Variants in DGKH observed in about 807,000 individuals in gnomAD.
The protein encoded by DGKH is diacylglycerol kinase eta.
A neutral mutation model predicts 159.3 loss-of-function variants in DGKH; 90 were observed. That is an observed-to-expected ratio of 0.57 (90% CI 0.48 to 0.67). The LOEUF (loss-of-function observed/expected upper bound fraction) is 0.67. Among genes scored for constraint, DGKH ranks in the 30% least tolerant of loss-of-function variants. The probability of loss-of-function intolerance (pLI) is 0.00; values close to 1 mark genes in which losing one functional copy is unlikely to be tolerated. For missense variants in DGKH, 1,181 were observed against 1,506.1 expected, an observed-to-expected ratio of 0.78 and a Z score of 3.57; for synonymous variants, 536 against 553.8, an observed-to-expected ratio of 0.97 and a Z score of 0.45.
intron 1 of DGKH, among the ~76,000 whole-genome samples, chr13:42,103,670 T>C (rs1012339798): frequency 6.6e-6 from 1 of 152,178 alleles, no homozygotes; most frequent in Non-Finnish European, 1.5e-5. Context: ...GGGTCACATC[T>C]CACCTCTGAA....
At position 42,238,049 on chromosome 13, in the gene DGKH, A is replaced by G. The variant is rs752983514; in HGVS notation, c.*8861A>G. 1 of 152,216 alleles carries G rather than the reference A, an allele frequency of 6.6e-6. No individual in the cohort carries two copies. Among genetic ancestry groups the G allele is most frequent in the African/African-American group, 2.4e-5 (1 of 41,456 alleles). The allele number at this position is 152,216 out of a possible 1,614,324, so 9.4% of individuals were successfully genotyped here. On this transcript the variant is annotated 3_prime_UTR_variant, in exon 30 of 30. Transcript: ENST00000337343. ...CTGTAACTGACTTTGGCATTGGCTCATTGTGTCCTTTCTACAAGTTATGTT... is the reference window on the plus strand; with the variant it reads ...CTGTAACTGACTTTGGCATTGGCTCGTTGTGTCCTTTCTACAAGTTATGTT...
At chr13:42,048,306 G>A (rs1880943097), upstream of DGKH, among the ~76,000 whole-genome samples, 1 of 150,466 alleles carries the variant, frequency 6.6e-6, no homozygotes, top group Non-Finnish European at 1.5e-5. This position sits in a 1 kb window ranked among gnomAD's most constrained non-coding sequence, Gnocchi z 6.7. Flanking sequence ...CCCAGGGATC[G>A]GCGTTGCCCC....
At chr13:42,079,544 A>G (rs371539591) in intron 1 of DGKH, among the ~76,000 whole-genome samples, 2 of 152,130 alleles carry the variant, frequency 1.3e-5, no homozygotes, top group East Asian at 1.9e-4. Context: ...AGAACAGAGT[A>G]AAAAAATGAT....
intron 1 of DGKH, among the ~76,000 whole-genome samples, chr13:42,127,133 T>C (rs924363192): frequency 1.6e-4 from 25 of 152,156 alleles, no homozygotes; most frequent in African/African-American, 5.8e-4. Context: ...CTCTGCTCTT[T>C]CGTAATCATA....
chr13:42,173,958 TGC>T (rs1566158059), intron 11 of DGKH, 100 bp from the exon 12 acceptor site: 518 of 669,786 alleles, frequency 7.7e-4, no homozygotes, highest in South Asian at 2.1e-3. Context: ...TGTGTGTGTG[TGC>T]GTGCGTGTGT....
intron 1 of DGKH, among the ~76,000 whole-genome samples, chr13:42,075,431 G>T (rs180967081): frequency 6.6e-6 from 1 of 152,252 alleles, no homozygotes; most frequent in African/African-American, 2.4e-5. Flanking sequence ...AGATCTAAGT[G>T]TAAAAGTGCA....
chr13:42,158,115 G>A (rs1956089512), intron 5 of DGKH, among the ~76,000 whole-genome samples: 1 of 152,160 alleles, frequency 6.6e-6, no homozygotes, highest in Non-Finnish European at 1.5e-5. Context: ...TTTGTACATA[G>A]ACTAGTCATG....
chr13:42,255,583 A>G (rs558110178), intron 30 of DGKH, among the ~76,000 whole-genome samples: 1 of 152,310 alleles, frequency 6.6e-6, no homozygotes, highest in South Asian at 2.1e-4. Context: ...TGTTCCTTAG[A>G]CTTTAAGAAA....
chr13:42,129,752 C>T (rs955055103), intron 3 of DGKH, 120 bp downstream of exon 3: 2 of 822,818 alleles, frequency 2.4e-6, no homozygotes, highest in African/African-American at 3.4e-5. Context: ...GGAGTTCCTA[C>T]CAACACAATC....
chr13:42,137,806 T>A (rs190431594), intron 3 of DGKH, among the ~76,000 whole-genome samples: 1 of 152,346 alleles, frequency 6.6e-6, no homozygotes, highest in African/African-American at 2.4e-5. Flanking sequence ...ATCCTGGGAT[T>A]GATTGGCATT....
chr13:42,127,632 G>T, intron 2 of DGKH, 59 bp downstream of exon 2: 1 of 1,411,234 alleles, frequency 7.1e-7, no homozygotes, highest in South Asian at 1.2e-5. Context: ...GTAAAATTTT[G>T]GTTCTGTAAG....
At chr13:42,252,382 A>G (rs963022985) in intron 29 of DGKH, 2 of 152,142 alleles carry the variant, frequency 1.3e-5, no homozygotes, top group African/African-American at 4.8e-5. Context: ...ACATTTTTCA[A>G]AATAGAATTT....
At position 42,209,339 on chromosome 13, in the gene DGKH, A is replaced by G. The variant is rs772583354; in HGVS notation, c.2724A>G (p.Thr908=). 1 of 1,611,322 alleles carries G rather than the reference A, an allele frequency of 6.2e-7. No individual in the cohort carries two copies. Among genetic ancestry groups the G allele is most frequent in the Admixed American group, 1.7e-5 (1 of 59,192 alleles). The change falls in exon 23 of 30, where the codon ACA becomes ACG. Residue 908 remains threonine, a synonymous_variant. Transcript: ENST00000337343. ...GATTTGTTTTATTTCAGTGCCGTAC[A>G]GTGAAAATCACTATATTTGGTGACG... ...LQHHRIAQCR[T]VKITIFGDEG...
At chr13:42,194,860 T>C in intron 16 of DGKH, 25 bp from the exon 17 acceptor site, 2 of 1,603,204 alleles carry the variant, frequency 1.2e-6, no homozygotes, top group Non-Finnish European at 1.7e-6. Context: ...ATTATCTCTT[T>C]TTAATCTGGA....
chr13:42,059,486 G>A (rs1881989059), intron 1 of DGKH, among the ~76,000 whole-genome samples: 1 of 152,158 alleles, frequency 6.6e-6, no homozygotes, highest in South Asian at 2.1e-4. Flanking sequence ...CTAACTTCAA[G>A]TGGTCTGCCC....
At chr13:42,085,644 A>G (rs963431843) in intron 1 of DGKH, among the ~76,000 whole-genome samples, 1 of 152,212 alleles carries the variant, frequency 6.6e-6, no homozygotes, top group African/African-American at 2.4e-5. Context: ...TAGAAATAAC[A>G]TTTTCAAAGA....
intron 1 of DGKH, among the ~76,000 whole-genome samples, chr13:42,053,675 G>A (rs1301014940): frequency 6.6e-6 from 1 of 150,948 alleles, no homozygotes; most frequent in Non-Finnish European, 1.5e-5. Context: ...CTGGAGTGCA[G>A]TGGCATGATC....
chr13:42,104,218 G>A (rs1566103275), intron 1 of DGKH, among the ~76,000 whole-genome samples: 1 of 152,158 alleles, frequency 6.6e-6, no homozygotes, highest in Non-Finnish European at 1.5e-5. Context: ...TATCTCTGTT[G>A]CACGGGACCA....
intron 16 of DGKH, among the ~76,000 whole-genome samples, chr13:42,193,630 A>C (rs1183100108): frequency 2.6e-5 from 4 of 152,188 alleles, no homozygotes; most frequent in Non-Finnish European, 5.9e-5. Flanking sequence ...CATCAGTCTT[A>C]GTCATTAGTA....
Sources: allele counts gnomAD v4.1 joint callset (sites outside exome capture counted in the v4.1 genomes callset), GRCh38; gene constraint gnomAD v4.1.1; non-coding constraint Gnocchi (gnomAD v3.1); transcripts MANE v1.5; gene names NCBI Gene and HGNC (gene_info 2026-07-23, HGNC 2026-07-21).